CLIP2: variants seen among roughly 807,000 people sequenced by gnomAD.
CLIP2 encodes the protein CAP-Gly domain-containing linker protein 2.
CLIP2 carries 41 observed loss-of-function variants against 111.7 expected under a neutral mutation model. That is an observed-to-expected ratio of 0.37 (90% CI 0.29 to 0.48). The LOEUF is 0.48. Among genes scored for constraint, CLIP2 ranks in the 20% least tolerant of loss-of-function variants. The pLI, the probability that CLIP2 is intolerant of heterozygous loss-of-function variation, is 0.99. For missense variants in CLIP2, 1,160 were observed against 1,422.1 expected (o/e 0.82, Z 2.96); for synonymous variants, 660 against 644.2 (o/e 1.02, Z -0.37).
At chr7:74,390,159 AAAGAAGAAAG>A (rs1201737285) in intron 13 of CLIP2, among the ~76,000 whole-genome samples, 1 of 44,884 alleles carries the variant, frequency 2.2e-5, no homozygotes, top group Non-Finnish European at 4.2e-5. Flanking sequence ...AAAAAGAAAG[AAAGAAGAAAG>A]AAAGAAAGAA....
At chr7:74,386,188 C>T (rs1437851180) in intron 11 of CLIP2, among the ~76,000 whole-genome samples, 2 of 152,000 alleles carry the variant, frequency 1.3e-5, no homozygotes, top group African/African-American at 4.8e-5. Context: ...GCTGGGATTA[C>T]AGGCACCTGC....
At chr7:74,319,340 C>T (rs782803504) in intron 2 of CLIP2, among the ~76,000 whole-genome samples, 9 of 151,702 alleles carry the variant, frequency 5.9e-5, no homozygotes, top group South Asian at 2.1e-4. Flanking sequence ...GGTGAAACCC[C>T]GTCTCTACTA....
rs1244908119 is a variant in CLIP2, at chr7:74,405,390, CGT to C, written c.*1546_*1547del. On this transcript the variant is annotated 3_prime_UTR_variant, in exon 17 of 17. Transcript: ENST00000223398. ...CGGCTTTCCCGTAACGCACAGGACA[CGT>C]GTGCAATTCATAGGAACGGCCCAGA... is the stretch of plus-strand genomic sequence containing the variant. 2 of 152,302 alleles carry C rather than the reference CGT, an allele frequency of 1.3e-5. No homozygotes were observed. Among genetic ancestry groups the C allele is most frequent in the Non-Finnish European group, 2.9e-5 (2 of 68,072 alleles). The allele number at this position is 152,302 out of a possible 1,614,324, so 9.4% of individuals were successfully genotyped here.
In CLIP2 at chr7:74,390,217, GAAAGA is replaced by G. The variant is rs1554315650; in HGVS notation, c.2720+961_2720+965del. Among the ~76,000 whole-genome samples, 114 of 86,640 alleles carry G rather than the reference GAAAGA, an allele frequency of 1.3e-3. 3 individuals are homozygous for G. The highest frequency in any genetic ancestry group is 3.4e-3 in the African/African-American group (83 of 24,312). 56.8% of individuals were successfully genotyped at this position (86,640 alleles called of 152,430 possible). A position where few individuals can be genotyped will look rare whatever the true frequency, so the allele number is the denominator to read the frequency against. The stretch of plus-strand genomic sequence containing the variant: ...AGAAAGAAAGAAAGAAAGAAAGAAA[GAAAGA>G]AAGGATTAATGCCTCCCCAAAATGT... On this transcript the variant is annotated intron_variant, in intron 13 of 16. Transcript: ENST00000223398.
chr7:74,374,452 T>A (rs1297771032), intron 9 of CLIP2, among the ~76,000 whole-genome samples: 1 of 152,214 alleles, frequency 6.6e-6, no homozygotes, highest in East Asian at 1.9e-4. Context: ...GGCTCACACC[T>A]GTAATCCCAG....
At chr7:74,399,571 ACT>A (rs1180203263) in intron 14 of CLIP2, among the ~76,000 whole-genome samples, 1 of 132,796 alleles carries the variant, frequency 7.5e-6, no homozygotes, top group African/African-American at 2.7e-5. Flanking sequence ...ACCAAGTCTC[ACT>A]CTGTCGCCCA....
chr7:74,319,178 G>A (rs1788877086), intron 2 of CLIP2, among the ~76,000 whole-genome samples: 1 of 152,122 alleles, frequency 6.6e-6, no homozygotes, highest in African/African-American at 2.4e-5. Flanking sequence ...GAGGGAATGG[G>A]TGATGCAAAG....
chr7:74,389,233 C>G lies in CLIP2; in HGVS notation c.2694C>G (p.Ile898Met). The change falls in exon 13 of 17, where the codon ATC becomes ATG. Residue 898 changes from isoleucine (I) to methionine (M), a missense_variant. Physicochemically the swap from Ile to Met is conservative, Grantham distance 10. Around this residue, in one of 5 missense-constraint regions of CLIP2, gnomAD observed 676 missense variants for 777.8 expected, o/e 0.87. Transcript: ENST00000223398. ...ACGCCTCGGGCCAGCTAGTCCTCATCAGCCAGGAGCTGCTGCGGAAGGAGC... is the reference window on the plus strand; with the variant it reads ...ACGCCTCGGGCCAGCTAGTCCTCATGAGCCAGGAGCTGCTGCGGAAGGAGC... ...THDASGQLVLISQELLRKERS... is the reference protein window; with the variant it reads ...THDASGQLVLMSQELLRKERS... 6.2e-7 allele frequency: 1 copy of G among 1,608,126 alleles called. No individual in the cohort carries two copies. The highest frequency in any genetic ancestry group is 8.5e-7 in the Non-Finnish European group (1 of 1,177,668).
At chr7:74,308,293 C>T (rs1385555317) in intron 1 of CLIP2, among the ~76,000 whole-genome samples, 1 of 152,084 alleles carries the variant, frequency 6.6e-6, no homozygotes, top group African/African-American at 2.4e-5. Flanking sequence ...AGGGTTCTCA[C>T]GCCTGATCTC....
rs1791274460 is a variant in CLIP2, at chr7:74,390,786, GCCTGTAATC to G, written c.2720+1530_2720+1538del. 2.0e-5 allele frequency among the ~76,000 whole-genome samples: 3 copies of G among 151,806 alleles called. No individual in the cohort carries two copies. The South Asian group carries it at 6.2e-4, about 32-fold the overall frequency. ...TGGGGGACTGGGCGGGGTGGCTTCTGCCTGTAATCCCAGCACTTTGGGAGGTCGAGGTGG... is the reference window on the plus strand; with the variant it reads ...TGGGGGACTGGGCGGGGTGGCTTCTGCCAGCACTTTGGGAGGTCGAGGTGG... On this transcript the variant is annotated intron_variant, in intron 13 of 16. Transcript: ENST00000223398.
At chr7:74,319,238 G>A (rs1423230390) in intron 2 of CLIP2, among the ~76,000 whole-genome samples, 1 of 152,070 alleles carries the variant, frequency 6.6e-6, no homozygotes, top group African/African-American at 2.4e-5. Flanking sequence ...AAAGGCCGGG[G>A]ACGGTGGCTC....
intron 1 of CLIP2, among the ~76,000 whole-genome samples, chr7:74,312,936 C>CCTGACGCGAGCATTGTGGGTTGGCAT (rs1788679671): frequency 6.6e-6 from 1 of 152,094 alleles, no homozygotes; most frequent in Non-Finnish European, 1.5e-5. Flanking sequence ...CACGCACATT[C>CCTGACGCGAGCATTGTGGGTTGGCAT]CTGACGCGAG....
intron 13 of CLIP2, among the ~76,000 whole-genome samples, chr7:74,393,784 CTG>C (rs1791362435): frequency 6.6e-6 from 1 of 152,216 alleles, no homozygotes; most frequent in Non-Finnish European, 1.5e-5. Flanking sequence ...TTTCTAGAAA[CTG>C]TAGCCCTGCC....
In CLIP2 at chr7:74,389,462, T is replaced by C. The variant is rs906737571; in HGVS notation, c.2720+203T>C. Reference sequence around the variant, plus strand: ...TACACTGTTTTCCAAGCAGAGCTTATAGAAAAGAGTAGGGCCAGGCACAGT... The same window carrying C: ...TACACTGTTTTCCAAGCAGAGCTTACAGAAAAGAGTAGGGCCAGGCACAGT... On this transcript the variant is annotated intron_variant, in intron 13 of 16. Transcript: ENST00000223398. 3 of 493,814 alleles carry C rather than the reference T, an allele frequency of 6.1e-6. No individual in the cohort carries two copies. In the East Asian group the frequency reaches 1.1e-4, roughly 18 times the overall value. The allele number at this position is 493,814 out of a possible 1,614,324, so 30.6% of individuals were successfully genotyped here. A position where few individuals can be genotyped will look rare whatever the true frequency, so the allele number is the denominator to read the frequency against.
At chr7:74,365,444 T>C (rs1458252090) in intron 8 of CLIP2, among the ~76,000 whole-genome samples, 3 of 152,136 alleles carry the variant, frequency 2.0e-5, no homozygotes, top group Non-Finnish European at 2.9e-5. Context: ...TCCTGTCTGT[T>C]TCCCACTGTG....
At chr7:74,297,854 C>T (rs1485954982) in intron 1 of CLIP2, among the ~76,000 whole-genome samples, 1 of 151,756 alleles carries the variant, frequency 6.6e-6, no homozygotes, top group Non-Finnish European at 1.5e-5. Flanking sequence ...GTTCTGTCAC[C>T]CAGGCTGGAG....
chr7:74,394,341 C>T (rs1454541224), intron 13 of CLIP2, among the ~76,000 whole-genome samples: 2 of 149,282 alleles, frequency 1.3e-5, no homozygotes, highest in Non-Finnish European at 3.0e-5. Flanking sequence ...ACCTCTGCCT[C>T]CTGGGTTCAA....
chr7:74,368,374 G>C lies in CLIP2; in HGVS notation c.1380+4059G>C, dbSNP rs527855911. Among the ~76,000 whole-genome samples, 172 of 152,012 alleles carry C rather than the reference G, an allele frequency of 1.1e-3. 2 individuals are homozygous for C. The Middle Eastern group carries it at 0.02, about 18-fold the overall frequency. ...CTAGTAAAAATACAAAAACTTAGCC[G>C]GGCCTGGTGGTGGGCGCCTGTAATC... is the stretch of plus-strand genomic sequence containing the variant. On this transcript the variant is annotated intron_variant, in intron 8 of 16. Coordinates refer to ENST00000223398, the MANE Select transcript of CLIP2 (RefSeq NM_003388.5).
intron 13 of CLIP2, among the ~76,000 whole-genome samples, chr7:74,390,743 CGGGGTGG>C (rs1791271236): frequency 1.4e-4 from 1 of 7,154 alleles, no homozygotes; most frequent in Non-Finnish European, 6.0e-4. Context: ...TATTTTCTGG[CGGGGTGG>C]GGGGGGTGGG....
Sources: allele counts gnomAD v4.1 joint callset (sites outside exome capture counted in the v4.1 genomes callset), GRCh38; gene constraint gnomAD v4.1.1; regional missense constraint gnomAD v4.1.1; transcripts MANE v1.5; gene names NCBI Gene and HGNC (gene_info 2026-07-23, HGNC 2026-07-21).